Variants in RPTOR observed in about 807,000 individuals in gnomAD.
The protein encoded by RPTOR is regulatory associated protein of MTOR complex 1.
Under a neutral mutation model 169.9 loss-of-function variants are expected in RPTOR, and 21 were observed. That is an observed-to-expected ratio of 0.12 (90% CI 0.09 to 0.18). RPTOR has a LOEUF of 0.18. RPTOR is among the 10% of genes least tolerant of loss of function. RPTOR has a pLI of 1.00. For missense variants in RPTOR, 1,133 were observed against 1,855.9 expected (o/e 0.61, Z 7.16); for synonymous variants, 732 against 753.2 (o/e 0.97, Z 0.46).
In RPTOR at chr17:80,658,720, C is replaced by T. The variant is rs188704963; in HGVS notation, c.348+14910C>T. Among the ~76,000 whole-genome samples, 7 of 134,630 alleles carry T rather than the reference C, an allele frequency of 5.2e-5. No individual in the cohort carries two copies. The South Asian group carries it at 8.3e-4, about 16-fold the overall frequency. The allele number at this position is 134,630 out of a possible 152,430, so 88.3% of individuals were successfully genotyped here. A position where few individuals can be genotyped will look rare whatever the true frequency, so the allele number is the denominator to read the frequency against. ...CCTGTACATTTCTCATGTTCTGTTC[C>T]GAGTTTTTTTCTTGCTGTAGGTCAC... On this transcript the variant is annotated intron_variant, in intron 3 of 33. Transcript: ENST00000306801.
intron 1 of RPTOR, among the ~76,000 whole-genome samples, chr17:80,578,087 G>A (rs1241566050): frequency 6.6e-6 from 1 of 152,174 alleles, no homozygotes; most frequent in Non-Finnish European, 1.5e-5. Flanking sequence ...AAGATTGCAC[G>A]TTACATTGGA....
chr17:80,611,769 TAA>T (rs146259280), intron 1 of RPTOR, among the ~76,000 whole-genome samples: 1 of 142,682 alleles, frequency 7.0e-6, no homozygotes, highest in Non-Finnish European at 1.5e-5. Context: ...TTTTTTTTTT[TAA>T]AAAAAACAAA....
At chr17:80,900,542 C>A (rs1213145246) in intron 20 of RPTOR, among the ~76,000 whole-genome samples, 1 of 152,226 alleles carries the variant, frequency 6.6e-6, no homozygotes, top group South Asian at 2.1e-4. Context: ...TCTCGAACTT[C>A]CAACCTCGGG....
At chr17:80,624,966 G>A (rs768327893) in intron 1 of RPTOR, among the ~76,000 whole-genome samples, 1 of 152,174 alleles carries the variant, frequency 6.6e-6, no homozygotes, top group Non-Finnish European at 1.5e-5. Flanking sequence ...AGTGTGGAAG[G>A]TGTGTTGAGG....
At chr17:80,786,120 A>T (rs2066988755) in intron 6 of RPTOR, among the ~76,000 whole-genome samples, 1 of 152,172 alleles carries the variant, frequency 6.6e-6, no homozygotes, top group African/African-American at 2.4e-5. Context: ...GCTTCTGCAC[A>T]GTGGGGTGGG....
intron 6 of RPTOR, among the ~76,000 whole-genome samples, chr17:80,775,093 G>T (rs1233612945): frequency 1.3e-5 from 2 of 152,134 alleles, no homozygotes; most frequent in African/African-American, 2.4e-5. Context: ...CCTGGCCCGG[G>T]GCCAGGCTTC....
At position 80,893,790 on chromosome 17, in the gene RPTOR, G is replaced by A. The variant is rs2068364218; in HGVS notation, c.2326G>A (p.Glu776Lys). The part of the protein sequence containing the change: ...SSTLGSPENE[E>K]HILSFETIDK... ...CACCCTGGGCAGCCCCGAGAATGAG[G>A]AGCATATCCTGTCCTTCGAGACCAT... The change falls in exon 20 of 34, where the codon GAG becomes AAG. Residue 776 changes from glutamate to lysine, a missense_variant. This residue lies in a region of RPTOR where 150 missense variants were observed against 206.4 expected (regional missense o/e 0.73). Transcript: ENST00000306801. The A allele has an allele frequency of 5.7e-6, 9 of 1,585,900 alleles. No homozygotes were observed. The highest frequency in any genetic ancestry group is 7.7e-6 in the Non-Finnish European group (9 of 1,164,572).
intron 26 of RPTOR, 34 bp downstream of exon 26, chr17:80,945,815 C>A: frequency 1.5e-6 from 2 of 1,333,906 alleles, no homozygotes; most frequent in Non-Finnish European, 2.1e-6. Context: ...TCCCTTCCGG[C>A]TGACCGACAG....
chr17:80,891,686 A>C, intron 17 of RPTOR, 34 bp from the exon 18 acceptor site: 1 of 1,388,950 alleles, frequency 7.2e-7, no homozygotes, highest in South Asian at 1.2e-5. Context: ...TTCCAGCCCC[A>C]GTGACTGTTA....
intron 7 of RPTOR, among the ~76,000 whole-genome samples, chr17:80,793,271 G>A (rs535522273): frequency 2.0e-5 from 3 of 152,312 alleles, no homozygotes; most frequent in South Asian, 2.1e-4. Flanking sequence ...TTCGAAATCC[G>A]AAACGCTTCC....
chr17:80,925,976 C>T (rs994048849), intron 24 of RPTOR, among the ~76,000 whole-genome samples: 7 of 152,224 alleles, frequency 4.6e-5, no homozygotes, highest in African/African-American at 9.6e-5. Flanking sequence ...CGGCGGCTCT[C>T]GGCCTCTTCG....
chr17:80,957,790 C>A lies in RPTOR; in HGVS notation c.3477+60C>A. The A allele has an allele frequency of 6.8e-7, 1 of 1,481,178 alleles. No individual in the cohort carries two copies. The highest frequency in any genetic ancestry group is 1.1e-5 in the South Asian group (1 of 88,300). The allele number at this position is 1,481,178 out of a possible 1,614,324, so 91.8% of individuals were successfully genotyped here. The stretch of plus-strand genomic sequence containing the variant: ...GTGGGGCAGTGTGTGCAGGGCTGGT[C>A]CTCGTCACAGAACCCAGCAAAGTGT... On this transcript the variant is annotated intron_variant, in intron 29 of 33. Coordinates refer to ENST00000306801, the MANE Select transcript of RPTOR (RefSeq NM_020761.3). The surrounding 1 kb of genome is among the most constrained non-coding windows in gnomAD (Gnocchi z 4.6).
rs545816791 is a variant in RPTOR, at chr17:80,659,747, C to G, written c.348+15937C>G. Reference sequence around the variant, plus strand: ...GTCTCAACCTCTTGACCTCGTGATCCGCCCCTTGGTCTCCCAAAGTGCTGA... The same window carrying G: ...GTCTCAACCTCTTGACCTCGTGATCGGCCCCTTGGTCTCCCAAAGTGCTGA... On this transcript the variant is annotated intron_variant, in intron 3 of 33. Transcript: ENST00000306801. The surrounding 1 kb of genome is among the most constrained non-coding windows in gnomAD (Gnocchi z 4.3). Among the ~76,000 whole-genome samples the G allele has an allele frequency of 1.3e-5, 2 of 152,064 alleles. No homozygotes were observed. Among genetic ancestry groups the G allele is most frequent in the Non-Finnish European group, 2.9e-5 (2 of 68,008 alleles).
intron 28 of RPTOR, among the ~76,000 whole-genome samples, chr17:80,950,402 C>T (rs918546677): frequency 4.6e-5 from 7 of 152,156 alleles, no homozygotes; most frequent in African/African-American, 1.7e-4. Context: ...GCTCTGTCTC[C>T]GCCCTTCTGT....
At chr17:80,709,824 C>G (rs1484479905) in intron 4 of RPTOR, among the ~76,000 whole-genome samples, 1 of 152,166 alleles carries the variant, frequency 6.6e-6, no homozygotes, top group African/African-American at 2.4e-5. Context: ...TATCTGCTAT[C>G]CACTTCTCTC....
intron 1 of RPTOR, among the ~76,000 whole-genome samples, chr17:80,546,178 T>A (rs982680939): frequency 5.6e-4 from 85 of 152,352 alleles, no homozygotes; most frequent in African/African-American, 1.9e-3. Context: ...TTTTAAAATA[T>A]CCAAGCTGGG....
intron 5 of RPTOR, among the ~76,000 whole-genome samples, chr17:80,737,011 G>A (rs1163762990): frequency 6.6e-6 from 1 of 152,202 alleles, no homozygotes; most frequent in African/African-American, 2.4e-5. Context: ...AGGGACGTGA[G>A]CTGACATGTG....
At chr17:80,964,213 GT>G in intron 33 of RPTOR, 48 bp from the exon 34 acceptor site, 5 of 909,902 alleles carry the variant, frequency 5.5e-6, no homozygotes, top group Admixed American at 1.8e-5. Flanking sequence ...GCCCCCCGCA[GT>G]GTCTGCCCGC....
At position 80,743,394 on chromosome 17, in the gene RPTOR, C is replaced by T. The variant is rs548566532; in HGVS notation, c.655-10616C>T. The T allele has an allele frequency of 1.0e-4, 99 of 985,416 alleles. 1 individual carries two copies. In the South Asian group the frequency reaches 1.5e-3, roughly 14 times the overall value. The allele number at this position is 985,416 out of a possible 1,614,324, so 61.0% of individuals were successfully genotyped here. A position where few individuals can be genotyped will look rare whatever the true frequency, so the allele number is the denominator to read the frequency against. ...CCTGAAGGAGATGTCTAACCTGAGCCGTAGAACGTAAGAAGTTGCCAGCAT... is the reference window on the plus strand; with the variant it reads ...CCTGAAGGAGATGTCTAACCTGAGCTGTAGAACGTAAGAAGTTGCCAGCAT... On this transcript the variant is annotated intron_variant, in intron 5 of 33. Coordinates refer to ENST00000306801, the MANE Select transcript of RPTOR (RefSeq NM_020761.3).
Sources: allele counts gnomAD v4.1 joint callset (sites outside exome capture counted in the v4.1 genomes callset), GRCh38; gene constraint gnomAD v4.1.1; regional missense constraint gnomAD v4.1.1; non-coding constraint Gnocchi (gnomAD v3.1); transcripts MANE v1.5; gene names NCBI Gene and HGNC (gene_info 2026-07-23, HGNC 2026-07-21).